Variants in EPB41L2 observed in about 807,000 individuals in gnomAD.
The protein encoded by EPB41L2 is band 4.1-like protein 2.
In EPB41L2, 43 loss-of-function variants were observed where a neutral mutation model predicts 113.0. The ratio of observed to expected loss-of-function variants is 0.38; its 90% CI spans 0.30 to 0.49. EPB41L2 has a LOEUF of 0.49. EPB41L2 is among the 20% of genes least tolerant of loss of function. EPB41L2 has a pLI of 0.95. For synonymous variants in EPB41L2, 442 were observed against 436.7 expected (o/e 1.01, Z -0.15); for missense variants, 1,147 against 1,223.4 (o/e 0.94, Z 0.93).
intron 1 of EPB41L2, chr6:131,062,400 CG>C (rs2128211915): frequency 6.6e-6 from 1 of 152,242 alleles, no homozygotes; most frequent in South Asian, 2.1e-4. Context: ...TCCCAACCCT[CG>C]GCCCCCAGGC....
intron 15 of EPB41L2, chr6:130,868,676 A>C (rs1784675715): frequency 6.6e-6 from 1 of 152,248 alleles, no homozygotes; most frequent in African/African-American, 2.4e-5. Flanking sequence ...GAACAAAATA[A>C]ATCTCTGTAC....
chr6:130,952,638 C>T (rs895557965), intron 3 of EPB41L2, among the ~76,000 whole-genome samples: 1 of 151,998 alleles, frequency 6.6e-6, no homozygotes, highest in African/African-American at 2.4e-5. Context: ...GGTGGAACCC[C>T]GTCTCTACTA....
At chr6:130,870,232 AGAT>A in intron 14 of EPB41L2, 106 bp from the exon 15 acceptor site, 2 of 1,526,346 alleles carry the variant, frequency 1.3e-6, no homozygotes, top group Non-Finnish European at 1.8e-6. Flanking sequence ...AGAAAAACAA[AGAT>A]GATTATGATG....
chr6:130,866,525 G>A (rs934371041), intron 16 of EPB41L2, among the ~76,000 whole-genome samples: 1 of 152,070 alleles, frequency 6.6e-6, no homozygotes, highest in Non-Finnish European at 1.5e-5. Flanking sequence ...ATGCTCCCCC[G>A]CCAAGCTGTT....
rs552887086 is a variant in EPB41L2, at chr6:130,878,344, T to C, written c.1897-94A>G. 3.6e-4 allele frequency: 494 copies of C among 1,377,268 alleles called. No individual in the cohort carries two copies. Among genetic ancestry groups the C allele is most frequent in the Non-Finnish European group, 4.4e-4 (456 of 1,036,860 alleles). 85.3% of individuals were successfully genotyped at this position (1,377,268 alleles called of 1,614,324 possible). On this transcript the variant is annotated intron_variant, in intron 13 of 19. Coordinates refer to ENST00000337057, the MANE Select transcript of EPB41L2 (RefSeq NM_001431.4). ...AACCAAAAAATAAGACAAAGCAAAC[T>C]TACGATTAAAAAAAAAACCATAGTA...
chr6:130,872,316 GA>G, intron 14 of EPB41L2: 1 of 1,216,782 alleles, frequency 8.2e-7, no homozygotes, highest in Non-Finnish European at 1.1e-6. Flanking sequence ...TTAAAAAAAT[GA>G]AAATCTCTCT....
At chr6:130,943,532 G>A (rs1169423504) in intron 3 of EPB41L2, among the ~76,000 whole-genome samples, 2 of 152,222 alleles carry the variant, frequency 1.3e-5, no homozygotes, top group Non-Finnish European at 2.9e-5. Context: ...CTGCCAGTGT[G>A]TAGCATGCCT....
intron 8 of EPB41L2, among the ~76,000 whole-genome samples, chr6:130,897,224 T>TA (rs566049861): frequency 1.1e-3 from 166 of 146,040 alleles, no homozygotes; most frequent in Middle Eastern, 3.6e-3. Context: ...CTCTTCTAAT[T>TA]AAAAAAAAAA....
At chr6:131,048,561 G>C (rs1285864646) in intron 1 of EPB41L2, among the ~76,000 whole-genome samples, 1 of 152,176 alleles carries the variant, frequency 6.6e-6, no homozygotes, top group African/African-American at 2.4e-5. Flanking sequence ...GGGAGCAGGG[G>C]AATCTCACTT....
At position 130,858,193 on chromosome 6, in the gene EPB41L2, C is replaced by T. The variant is rs761915215; in HGVS notation, c.2961G>A (p.Ser987=). ...CTTTGTGTACCACCACTCTTGTGAC[C>T]GACATGTCAGGGTGCTGCTCTCTGG... ...REAREQHPDM[S]VTRVVVHKET... Residue 987 remains serine, a synonymous_variant, in exon 19 of 20, where the codon TCG becomes TCA. Transcript: ENST00000337057. 35 of 1,613,790 alleles carry T rather than the reference C, an allele frequency of 2.2e-5. No individual in the cohort carries two copies. The highest frequency in any genetic ancestry group is 1.5e-4 in the South Asian group (14 of 91,058).
intron 1 of EPB41L2, among the ~76,000 whole-genome samples, chr6:130,998,322 A>G (rs1259706532): frequency 6.6e-6 from 1 of 152,226 alleles, no homozygotes; most frequent in Non-Finnish European, 1.5e-5. Flanking sequence ...ATGGGACAAG[A>G]ACTTTCCTAT....
intron 1 of EPB41L2, among the ~76,000 whole-genome samples, chr6:130,991,664 T>A (rs770128341): frequency 4.6e-5 from 7 of 152,200 alleles, no homozygotes; most frequent in Non-Finnish European, 8.8e-5. Flanking sequence ...TATAGCTACA[T>A]CTTTGTACTG....
At chr6:131,055,749 T>TC (rs773954529) in intron 1 of EPB41L2, among the ~76,000 whole-genome samples, 32 of 152,336 alleles carry the variant, frequency 2.1e-4, no homozygotes, top group Admixed American at 4.6e-4. Context: ...CACCAGCTAC[T>TC]CCAAGATGGT....
intron 1 of EPB41L2, among the ~76,000 whole-genome samples, chr6:131,024,443 C>G (rs1790368014): frequency 1.3e-5 from 2 of 151,958 alleles, no homozygotes; most frequent in African/African-American, 4.8e-5. Flanking sequence ...AAGAGGTTCC[C>G]AAAACTAAGC....
Position 130,839,878 on chromosome 6 carries a change from T to G in EPB41L2, c.*726A>C, listed in dbSNP as rs530181123. On this transcript the variant is annotated 3_prime_UTR_variant, in exon 20 of 20. Transcript: ENST00000337057. The stretch of plus-strand genomic sequence containing the variant: ...TGTCTGACAAGCATTGGCACTGTGG[T>G]GCGGCAGGGTCTCTAAGCACAGTGC... 6.6e-6 allele frequency: 1 copy of G among 152,208 alleles called. No homozygotes were observed. The highest frequency in any genetic ancestry group is 2.1e-4 in the South Asian group (1 of 4,832). The allele number at this position is 152,208 out of a possible 1,614,324, so 9.4% of individuals were successfully genotyped here. A position where few individuals can be genotyped will look rare whatever the true frequency, so the allele number is the denominator to read the frequency against.
chr6:130,945,026 C>A (rs761260943), intron 3 of EPB41L2, among the ~76,000 whole-genome samples: 22 of 152,122 alleles, frequency 1.4e-4, no homozygotes, highest in Admixed American at 8.5e-4. Context: ...TAAAGACATG[C>A]CACCTTGACC....
chr6:130,912,217 C>T (rs961740925), intron 4 of EPB41L2, among the ~76,000 whole-genome samples: 1 of 152,128 alleles, frequency 6.6e-6, no homozygotes, highest in Non-Finnish European at 1.5e-5. Flanking sequence ...GTCCCTGTTG[C>T]CAAACAGGTT....
At chr6:130,879,504 G>GA (rs887163413) in intron 13 of EPB41L2, among the ~76,000 whole-genome samples, 65 of 150,720 alleles carry the variant, frequency 4.3e-4, no homozygotes, top group Non-Finnish European at 8.3e-4. Context: ...AATAAGAAGG[G>GA]AAAAAAAAAT....
chr6:131,049,525 A>G lies in EPB41L2; in HGVS notation c.-15+13630T>C, dbSNP rs144026745. On this transcript the variant is annotated intron_variant, in intron 1 of 19. Transcript: ENST00000337057. ...CTTTTCTACCAGAGTGTAGACACTTAGTAGCTTTTCTACCAGAGTCTAGAA... is the reference window on the plus strand; with the variant it reads ...CTTTTCTACCAGAGTGTAGACACTTGGTAGCTTTTCTACCAGAGTCTAGAA... 8.6e-3 allele frequency among the ~76,000 whole-genome samples: 1,311 copies of G among 152,344 alleles called. 10 individuals carry two copies. Among genetic ancestry groups the G allele is most frequent in the South Asian group, 0.021 (103 of 4,830 alleles).
Sources: allele counts gnomAD v4.1 joint callset (sites outside exome capture counted in the v4.1 genomes callset), GRCh38; gene constraint gnomAD v4.1.1; transcripts MANE v1.5; gene names NCBI Gene and HGNC (gene_info 2026-07-23, HGNC 2026-07-21).